SLIT3: variants seen among roughly 807,000 people sequenced by gnomAD.
SLIT3 encodes slit homolog 3 protein.
In SLIT3, 68 loss-of-function variants were observed where a neutral mutation model predicts 184.0. That is an observed-to-expected ratio of 0.37 (90% confidence interval 0.30 to 0.45). SLIT3 has a LOEUF of 0.45. SLIT3 is among the 20% of genes least tolerant of loss of function. The pLI, the probability that SLIT3 is intolerant of heterozygous loss-of-function variation, is 1.00. For missense variants in SLIT3, 1,707 were observed against 2,026.0 expected, an observed-to-expected ratio of 0.84 and a Z score of 3.02; for synonymous variants, 831 against 828.6, an observed-to-expected ratio of 1.00 and a Z score of -0.05.
chr5:168,841,298 G>C (rs940238546), intron 6 of SLIT3, among the ~76,000 whole-genome samples: 1 of 152,224 alleles, frequency 6.6e-6, no homozygotes, highest in African/African-American at 2.4e-5. Flanking sequence ...GTTCTATTGA[G>C]AGATTGTGAG....
intron 2 of SLIT3, among the ~76,000 whole-genome samples, chr5:169,251,012 C>G (rs1765755932): frequency 6.6e-6 from 1 of 152,186 alleles, no homozygotes. Context: ...AGACAGATAA[C>G]TTTTGTCCTG....
At chr5:168,696,908 G>A (rs540184498) in intron 27 of SLIT3, among the ~76,000 whole-genome samples, 4 of 152,144 alleles carry the variant, frequency 2.6e-5, no homozygotes, top group Non-Finnish European at 4.4e-5. Context: ...GGGTGAGGGG[G>A]TGGGCAGAAT....
Position 168,700,565 on chromosome 5 carries a change from CA to C in SLIT3, c.2942+16del, listed in dbSNP as rs748092489. On this transcript the variant is annotated intron_variant, in intron 27 of 35. Transcript: ENST00000519560. ...AGCAAACTAATACAGTGAGGGAGGC[CA>C]GGGGTGAACTGTTACCTGAACCCAT... The C allele has an allele frequency of 1.3e-6, 2 of 1,579,678 alleles. No individual in the cohort carries two copies. The highest frequency in any genetic ancestry group is 2.2e-5 in the South Asian group (2 of 90,336).
intron 4 of SLIT3, among the ~76,000 whole-genome samples, chr5:169,066,753 G>A (rs1483108639): frequency 2.0e-5 from 3 of 152,006 alleles, no homozygotes; most frequent in Non-Finnish European, 4.4e-5. Context: ...TTGAAATGTT[G>A]CTTACAATAT....
At chr5:169,008,506 C>A (rs867517129) in intron 4 of SLIT3, among the ~76,000 whole-genome samples, 2 of 152,146 alleles carry the variant, frequency 1.3e-5, no homozygotes, top group Non-Finnish European at 2.9e-5. Context: ...TGGGCCCAGA[C>A]GAGATAAGAC....
At chr5:168,748,035 T>G (rs4502845) in intron 20 of SLIT3, among the ~76,000 whole-genome samples, 37,783 of 151,876 alleles carry the variant, frequency 0.25, 5,968 homozygotes, top group African/African-American at 0.45. Context: ...CCACTTATAC[T>G]CAGGGTATCT....
chr5:168,972,715 T>C (rs1754622042), intron 4 of SLIT3, among the ~76,000 whole-genome samples: 1 of 152,206 alleles, frequency 6.6e-6, no homozygotes, highest in Non-Finnish European at 1.5e-5. Context: ...TTCCTTCCTC[T>C]TGCTGTCTTC....
intron 16 of SLIT3, among the ~76,000 whole-genome samples, chr5:168,756,027 A>G (rs149057713): frequency 0.015 from 2,302 of 152,348 alleles, 65 homozygotes; most frequent in African/African-American, 0.053. Flanking sequence ...CAGACAGCCT[A>G]TTCAGAGCCT....
chr5:169,002,923 A>G (rs1755770576), intron 4 of SLIT3, among the ~76,000 whole-genome samples: 1 of 152,204 alleles, frequency 6.6e-6, no homozygotes, highest in Non-Finnish European at 1.5e-5. Flanking sequence ...ATAGGTTTTA[A>G]CTGTATGAAA....
chr5:168,943,692 A>G (rs1762389117), intron 4 of SLIT3, among the ~76,000 whole-genome samples: 1 of 152,208 alleles, frequency 6.6e-6, no homozygotes, highest in Non-Finnish European at 1.5e-5. Context: ...TATATGAGTG[A>G]ACACACACTC....
At chr5:168,676,596 A>G (rs1426906605) in intron 32 of SLIT3, among the ~76,000 whole-genome samples, 1 of 152,198 alleles carries the variant, frequency 6.6e-6, no homozygotes, top group Non-Finnish European at 1.5e-5. Context: ...AGAGACCATA[A>G]ACTTGTGACC....
intron 8 of SLIT3, among the ~76,000 whole-genome samples, chr5:168,811,174 G>C (rs538808662): frequency 3.9e-4 from 59 of 152,048 alleles, no homozygotes; most frequent in Non-Finnish European, 6.8e-4. Context: ...AGAGAGGAGG[G>C]GACTTGCCCA....
chr5:168,945,986 A>G (rs1044553773), intron 4 of SLIT3, among the ~76,000 whole-genome samples: 2 of 152,250 alleles, frequency 1.3e-5, no homozygotes, highest in African/African-American at 4.8e-5. Flanking sequence ...ATTCCTTGTT[A>G]CAATAATAGC....
intron 2 of SLIT3, 26 bp from the exon 3 acceptor site, chr5:169,244,802 T>A: frequency 2.5e-6 from 4 of 1,607,462 alleles, no homozygotes; most frequent in Non-Finnish European, 3.4e-6. Flanking sequence ...CAGCAATGAC[T>A]AAGGACAAAG....
chr5:168,831,895 A>G (rs1047246310), intron 6 of SLIT3, among the ~76,000 whole-genome samples: 5 of 152,212 alleles, frequency 3.3e-5, no homozygotes, highest in African/African-American at 1.2e-4. Flanking sequence ...TCGGTGTTCA[A>G]AGAAAAACAA....
intron 4 of SLIT3, among the ~76,000 whole-genome samples, chr5:169,127,444 A>T (rs1159121266): frequency 6.6e-6 from 1 of 152,168 alleles, no homozygotes; most frequent in Non-Finnish European, 1.5e-5. Context: ...ACTCAAGTTG[A>T]ATGGTTTTCA....
intron 9 of SLIT3, among the ~76,000 whole-genome samples, chr5:168,797,169 C>A (rs1756591743): frequency 6.6e-6 from 1 of 152,132 alleles, no homozygotes; most frequent in Admixed American, 6.5e-5. Flanking sequence ...CTACTGGATA[C>A]AGCCACCCAC....
intron 4 of SLIT3, among the ~76,000 whole-genome samples, chr5:168,946,027 T>G (rs1762472120): frequency 6.6e-6 from 1 of 152,252 alleles, no homozygotes; most frequent in Admixed American, 6.5e-5. Context: ...TTATGTGCTG[T>G]ATTCTTATTT....
At chr5:168,918,911 T>A (rs1394865128) in intron 4 of SLIT3, among the ~76,000 whole-genome samples, 1 of 152,192 alleles carries the variant, frequency 6.6e-6, no homozygotes, top group Non-Finnish European at 1.5e-5. Flanking sequence ...TAGCAATACC[T>A]ATTTATACAT....
Sources: allele counts gnomAD v4.1 joint callset (sites outside exome capture counted in the v4.1 genomes callset), GRCh38; gene constraint gnomAD v4.1.1; transcripts MANE v1.5; gene names NCBI Gene and HGNC (gene_info 2026-07-23, HGNC 2026-07-21).